Variants in AXIN2 observed in about 807,000 individuals in gnomAD.
AXIN2 encodes the protein axin 2.
Under a neutral mutation model 74.7 loss-of-function variants are expected in AXIN2, and 21 were observed. The ratio of observed to expected loss-of-function variants is 0.28; its 90% CI spans 0.20 to 0.40. The LOEUF (loss-of-function observed/expected upper bound fraction) is 0.40, where lower values mean the gene tolerates loss of function less well. AXIN2 is among the 10% of genes least tolerant of loss of function. The probability of loss-of-function intolerance (pLI) is 1.00; values close to 1 mark genes in which losing one functional copy is unlikely to be tolerated. For missense variants in AXIN2, 1,144 were observed against 1,111.1 expected, an observed-to-expected ratio of 1.03 and a Z score of -0.42; for synonymous variants, 532 against 454.9, an observed-to-expected ratio of 1.17 and a Z score of -2.16.
At chr17:65,542,287 T>G (rs564850307) in intron 3 of AXIN2, among the ~76,000 whole-genome samples, 3 of 152,224 alleles carry the variant, frequency 2.0e-5, no homozygotes, top group Admixed American at 2.0e-4. Flanking sequence ...TAGCACCTAC[T>G]ATGTGCCAGA....
intron 10 of AXIN2, among the ~76,000 whole-genome samples, chr17:65,531,399 C>T (rs1384622969): frequency 7.9e-5 from 12 of 151,228 alleles, no homozygotes; most frequent in Non-Finnish European, 1.2e-4. Context: ...ACTGAAGACA[C>T]GTCATGTCAA....
chr17:65,548,612 AT>A (rs1236728977), intron 3 of AXIN2, among the ~76,000 whole-genome samples: 1 of 152,170 alleles, frequency 6.6e-6, no homozygotes, highest in African/African-American at 2.4e-5. Flanking sequence ...AATTTTACCC[AT>A]CCCCTATCCC....
At chr17:65,541,299 A>G (rs867358008) in intron 4 of AXIN2, among the ~76,000 whole-genome samples, 156 bp downstream of exon 4, 2 of 152,130 alleles carry the variant, frequency 1.3e-5, no homozygotes, top group East Asian at 1.9e-4. Context: ...TGTAATGCCT[A>G]TTGTCCAGTT....
At chr17:65,530,242 G>A (rs1228474010) in intron 10 of AXIN2, 140 bp from the exon 11 acceptor site, 1 of 1,165,728 alleles carries the variant, frequency 8.6e-7, no homozygotes, top group Non-Finnish European at 1.2e-6. Context: ...GCGCACATCT[G>A]CTTTAAGACG....
intron 3 of AXIN2, among the ~76,000 whole-genome samples, chr17:65,542,577 T>TA (rs2044059447): frequency 6.6e-6 from 1 of 152,206 alleles, no homozygotes; most frequent in African/African-American, 2.4e-5. Flanking sequence ...CCCTATCCAT[T>TA]ATATTTTTAA....
rs1386365412 is a variant in AXIN2 at position 65,536,648 on chromosome 17, TCAGA to T, written c.1908-99_1908-96del. ...TTCAATAGAAACTTGTCTATTCTGC[TCAGA>T]GAGAGAGTTAAAAAAAAAACTACCA... On this transcript the variant is annotated intron_variant, in intron 7 of 10. Transcript: ENST00000307078. 4.1e-6 allele frequency: 6 copies of T among 1,481,286 alleles called. No individual in the cohort carries two copies. The East Asian group carries it at 6.8e-5, about 17-fold the overall frequency. 91.8% of individuals were successfully genotyped at this position (1,481,286 alleles called of 1,614,324 possible).
chr17:65,537,492 T>A lies in AXIN2; in HGVS notation c.1544A>T (p.His515Leu), dbSNP rs2043950108. ...FVTKQTTKHV[H>L]HHYIHHHAVP... is the part of the protein sequence containing the mutation. ...GGCATGGTGGTGGATGTAGTGGTGG[T>A]GGACATGCTTCGTCGTCTGCTTGGT... Residue 515 changes from histidine (H) to leucine (L), a missense_variant, in exon 6 of 11, where the codon CAC (histidine) becomes CTC (leucine). By Grantham distance (99) the His-to-Leu change is moderately conservative (BLOSUM62 -3). Coordinates refer to ENST00000307078, the MANE Select transcript of AXIN2 (RefSeq NM_004655.4). 6.2e-7 allele frequency: 1 copy of A among 1,613,702 alleles called. No individual in the cohort carries two copies. The highest frequency in any genetic ancestry group is 8.5e-7 in the Non-Finnish European group (1 of 1,179,960).
chr17:65,559,374 G>A (rs1252626598), intron 1 of AXIN2: 1 of 148,624 alleles, frequency 6.7e-6, no homozygotes, highest in Non-Finnish European at 1.5e-5. Flanking sequence ...TGGGCTCCCG[G>A]ACTCCCAGAT....
At chr17:65,552,110 T>C (rs2044202257) in intron 2 of AXIN2, among the ~76,000 whole-genome samples, 1 of 152,110 alleles carries the variant, frequency 6.6e-6, no homozygotes, top group Non-Finnish European at 1.5e-5. Context: ...GTGTCCTCAA[T>C]CCGGAATTCC....
chr17:65,535,887 C>G (rs1035630560), intron 8 of AXIN2, among the ~76,000 whole-genome samples, 166 bp from the exon 9 acceptor site: 10 of 152,142 alleles, frequency 6.6e-5, no homozygotes, highest in Non-Finnish European at 4.4e-5. Flanking sequence ...CTGAAGAGGC[C>G]AGGAAGACGT....
chr17:65,539,353 CTG>C (rs1238098453), intron 4 of AXIN2, among the ~76,000 whole-genome samples: 4 of 152,186 alleles, frequency 2.6e-5, no homozygotes, highest in African/African-American at 9.7e-5. Flanking sequence ...GCTGCAGAAA[CTG>C]GGGAAGAAGA....
rs779294675 is a variant in AXIN2, at chr17:65,549,621, T to C, written c.855A>G (p.Ile285Met). ...CTGGTGCAAAGACATAGCCAGAACC[T>C]ATGTGATAAGGATTAACAGGATCGC... Reference protein sequence around the residue: ...KRSDPVNPYHIGSGYVFAPAT... With the variant: ...KRSDPVNPYHMGSGYVFAPAT... Residue 285 changes from isoleucine (I) to methionine (M), a missense_variant, in exon 3 of 11, where the codon ATA (isoleucine) becomes ATG (methionine). Physicochemically the swap from Ile to Met is conservative, Grantham distance 10. Around this residue, in one of 4 missense-constraint regions of AXIN2, gnomAD observed 1,053 missense variants for 973.5 expected, o/e 1.08. Transcript: ENST00000307078. 6.2e-7 allele frequency: 1 copy of C among 1,605,540 alleles called. No individual in the cohort carries two copies. Among genetic ancestry groups the C allele is most frequent in the South Asian group, 1.1e-5 (1 of 89,278 alleles).
rs1002013220 is a variant in AXIN2, at chr17:65,553,275, G to T, written c.816-3615C>A. ...AAAACCTTGCTGACTCTCCTTAAAG[G>T]ACCTAAGACCATTAGATGGGTCACT... On this transcript the variant is annotated intron_variant, in intron 2 of 10. Transcript: ENST00000307078. Among the ~76,000 whole-genome samples, 6 of 152,154 alleles carry T rather than the reference G, an allele frequency of 3.9e-5. 1 individual carries two copies. Among genetic ancestry groups the T allele is most frequent in the Admixed American group, 2.6e-4 (4 of 15,276 alleles).
chr17:65,538,535 C>T (rs1172750636), intron 4 of AXIN2, among the ~76,000 whole-genome samples, 192 bp from the exon 5 acceptor site: 1 of 151,796 alleles, frequency 6.6e-6, no homozygotes, highest in East Asian at 1.9e-4. Flanking sequence ...AGCCATGGTC[C>T]CCACCAGCGT....
At chr17:65,533,890 A>C (rs200264393) in intron 10 of AXIN2, 22 bp downstream of exon 10, 3 of 1,604,630 alleles carry the variant, frequency 1.9e-6, no homozygotes, top group Non-Finnish European at 2.6e-6. Flanking sequence ...CTGAGAGCAG[A>C]AAAAAGCCAC....
chr17:65,536,479 T>A lies in AXIN2; in HGVS notation c.1982A>T (p.His661Leu). 6.2e-7 allele frequency: 1 copy of A among 1,613,844 alleles called. No homozygotes were observed. Among genetic ancestry groups the A allele is most frequent in the African/African-American group, 1.3e-5 (1 of 75,068 alleles). ...SSPGERASRHHLWGGNSGHPR... is the reference protein window; with the variant it reads ...SSPGERASRHLLWGGNSGHPR... ...GTGCCCGCTGTTGCCCCCCCACAGA[T>A]GGTGCCGGCTGGCTCGTTCGCCTGG... The change falls in exon 8 of 11, where the codon CAT becomes CTT. Residue 661 changes from histidine to leucine, a missense_variant. By Grantham distance (99) the His-to-Leu change is moderately conservative. Around this residue, in one of 4 missense-constraint regions of AXIN2, gnomAD observed 1,053 missense variants for 973.5 expected, o/e 1.08. Transcript: ENST00000307078.
chr17:65,547,960 G>C (rs1217664876), intron 3 of AXIN2, among the ~76,000 whole-genome samples: 2 of 152,184 alleles, frequency 1.3e-5, no homozygotes, highest in African/African-American at 4.8e-5. Context: ...ATAACTGAGA[G>C]ATAAATTATG....
chr17:65,538,206 T>G lies in AXIN2; in HGVS notation c.1197A>C (p.Arg399=). 6.2e-7 allele frequency: 1 copy of G among 1,614,204 alleles called. No homozygotes were observed. ...HSLEERLQQI[R]EDEEREGSEL... ...AAGAAGGCCTAGGCCGCATTACCTC[T>G]CGGATCTGCTGCAGGCGCTCCTCCA... The change falls in exon 5 of 11, where the codon CGA becomes CGC. Residue 399 remains arginine, a synonymous_variant. Transcript: ENST00000307078.
chr17:65,549,675 C>T lies in AXIN2; in HGVS notation c.816-15G>A. 6.3e-7 allele frequency: 1 copy of T among 1,588,146 alleles called. No individual in the cohort carries two copies. Among genetic ancestry groups the T allele is most frequent in the South Asian group, 1.1e-5 (1 of 87,128 alleles). ...TCTTGAAGGACCTATGGGCAAAGTA[C>T]AAAAGTGGTTCAGTCACTGACCCTC... is the stretch of plus-strand genomic sequence containing the variant. On this transcript the variant is annotated splice_polypyrimidine_tract_variant and intron_variant, in intron 2 of 10. Coordinates refer to ENST00000307078, the MANE Select transcript of AXIN2 (RefSeq NM_004655.4).
Sources: allele counts gnomAD v4.1 joint callset (sites outside exome capture counted in the v4.1 genomes callset), GRCh38; gene constraint gnomAD v4.1.1; regional missense constraint gnomAD v4.1.1; transcripts MANE v1.5; gene names NCBI Gene and HGNC (gene_info 2026-07-23, HGNC 2026-07-21).